CCDC40: variants seen among roughly 807,000 people sequenced by gnomAD.
The protein encoded by CCDC40 is coiled-coil domain-containing protein 40.
CCDC40 carries 104 observed loss-of-function variants against 124.5 expected under a neutral mutation model. That is an observed-to-expected ratio of 0.84 (90% CI 0.71 to 0.98). The LOEUF (loss-of-function observed/expected upper bound fraction) is 0.98, where lower values mean the gene tolerates loss of function less well. Ranked by LOEUF, CCDC40 falls within the 50% of genes least tolerant of loss-of-function variation. The pLI, the probability that CCDC40 is intolerant of heterozygous loss-of-function variation, is 0.00. For synonymous variants in CCDC40, 580 were observed against 602.9 expected (o/e 0.96, Z 0.56); for missense variants, 1,463 against 1,503.9 (o/e 0.97, Z 0.45).
At chr17:80,037,688 A>AAAAAAAAATATATAT in intron 1 of CCDC40, among the ~76,000 whole-genome samples, 2 of 45,676 alleles carry the variant, frequency 4.4e-5, no homozygotes, top group African/African-American at 1.2e-4. Context: ...TTTTTTAAAA[A>AAAAAAAAATATATAT]AGATATACAT....
At chr17:80,090,196 CACGCAGGCACG>C (rs2143761358) in intron 17 of CCDC40, 158 of 1,033,708 alleles carry the variant, frequency 1.5e-4, no homozygotes, top group East Asian at 8.2e-4. Flanking sequence ...ACACGGGACG[CACGCAGGCACG>C]TGCACGAAGA....
intron 4 of CCDC40, chr17:80,048,367 TA>T (rs1350534252): frequency 3.1e-5 from 19 of 609,086 alleles, no homozygotes; most frequent in South Asian, 2.3e-4. Context: ...TGCCTACCTT[TA>T]AAACGGGACG....
chr17:80,079,140 T>A (rs1338202721), intron 10 of CCDC40, among the ~76,000 whole-genome samples: 1 of 152,136 alleles, frequency 6.6e-6, no homozygotes, highest in Non-Finnish European at 1.5e-5. Context: ...TTTTGTCATG[T>A]GGGCCAGGCT....
At chr17:80,099,437 G>T in intron 19 of CCDC40, 90 bp from the exon 20 acceptor site, 2 of 1,488,954 alleles carry the variant, frequency 1.3e-6, no homozygotes, top group Non-Finnish European at 1.8e-6. Flanking sequence ...CTCCTCTTCG[G>T]CATTTCCTGG....
At chr17:80,089,631 C>T in intron 16 of CCDC40, 133 bp from the exon 17 acceptor site, 1 of 1,138,246 alleles carries the variant, frequency 8.8e-7, no homozygotes, top group Non-Finnish European at 1.3e-6. Context: ...CTTTGAGAGC[C>T]TCACGCTTTC....
intron 6 of CCDC40, 28 bp downstream of exon 6, chr17:80,050,017 G>T (rs1226898146): frequency 6.2e-7 from 1 of 1,613,504 alleles, no homozygotes; most frequent in Non-Finnish European, 8.5e-7. Context: ...CTCCCACCCT[G>T]GTCGGATGCC....
chr17:80,072,725 G>A (rs1469309016), intron 10 of CCDC40, among the ~76,000 whole-genome samples: 2 of 152,086 alleles, frequency 1.3e-5, no homozygotes, highest in Admixed American at 6.6e-5. Flanking sequence ...TCATGCTTTT[G>A]AGACCCACCC....
Position 80,058,638 on chromosome 17 carries a change from A to C in CCDC40, c.1304A>C (p.Glu435Ala). Residue 435 changes from glutamate to alanine, a missense_variant, in exon 8 of 20, where the codon GAG (glutamate) becomes GCG (alanine). Physicochemically the swap from Glu to Ala is moderately radical, Grantham distance 107. Coordinates refer to ENST00000397545, the MANE Select transcript of CCDC40 (RefSeq NM_017950.4). The surrounding 1 kb of genome is among the most constrained non-coding windows in gnomAD (Gnocchi z 4.2). ...ACGGAGAGGATCCGGGCAGAAATCG[A>C]GAAGAAAAAGCAGGTATTCTGCAAA... ...AETERIRAEI[E>A]KKKQDLYVDQ... The C allele has an allele frequency of 6.2e-7, 1 of 1,614,210 alleles. No homozygotes were observed. The highest frequency in any genetic ancestry group is 8.5e-7 in the Non-Finnish European group (1 of 1,180,040).
intron 7 of CCDC40, among the ~76,000 whole-genome samples, chr17:80,054,013 A>G (rs1050232405): frequency 2.0e-5 from 3 of 152,262 alleles, no homozygotes. Context: ...ACATTTCCAC[A>G]AACAAGCCTG....
intron 7 of CCDC40, among the ~76,000 whole-genome samples, chr17:80,055,786 C>G (rs908163047): frequency 6.6e-6 from 1 of 151,512 alleles, no homozygotes; most frequent in Non-Finnish European, 1.5e-5. Flanking sequence ...CAGGGCCCTC[C>G]GCAGAGGCAA....
At chr17:80,037,690 G>GATTATAT (rs1555889146) in intron 1 of CCDC40, among the ~76,000 whole-genome samples, 1 of 92,084 alleles carries the variant, frequency 1.1e-5, no homozygotes, top group Non-Finnish European at 2.2e-5. Flanking sequence ...TTTTAAAAAA[G>GATTATAT]ATATACATAT....
intron 12 of CCDC40, among the ~76,000 whole-genome samples, chr17:80,083,260 G>A (rs1185481145): frequency 2.0e-5 from 3 of 152,114 alleles, no homozygotes; most frequent in Non-Finnish European, 2.9e-5. Flanking sequence ...AGATCTCAGG[G>A]TGAACTTGGC....
rs368916637 is a variant in CCDC40, at chr17:80,049,786, C to T, written c.856-120C>T. On this transcript the variant is annotated intron_variant, in intron 5 of 19. Transcript: ENST00000397545. The stretch of plus-strand genomic sequence containing the variant: ...GAATCCCAAGCAGAAGCAGGGAGCA[C>T]TCCACACGGAAGTCGTCTCTGGCCC... 2.1e-4 allele frequency: 169 copies of T among 790,434 alleles called. 2 individuals carry two copies. Among genetic ancestry groups the T allele is most frequent in the Middle Eastern group, 2.4e-4 (1 of 4,202 alleles). The allele number at this position is 790,434 out of a possible 1,614,324, so 49.0% of individuals were successfully genotyped here.
In CCDC40 at chr17:80,087,498, G is replaced by T. The variant is rs991422454; in HGVS notation, c.2450-109G>T. On this transcript the variant is annotated intron_variant, in intron 14 of 19. Coordinates refer to ENST00000397545, the MANE Select transcript of CCDC40 (RefSeq NM_017950.4). This position sits in a 1 kb window ranked among gnomAD's most constrained non-coding sequence, Gnocchi z 4.5. ...AACGACAAGAGGGAGGGGATGAAGGGAGCTACAGGGAGAGACAAAACCTGG... is the reference window on the plus strand; with the variant it reads ...AACGACAAGAGGGAGGGGATGAAGGTAGCTACAGGGAGAGACAAAACCTGG... 3 of 798,976 alleles carry T rather than the reference G, an allele frequency of 3.8e-6. No individual in the cohort carries two copies. The highest frequency in any genetic ancestry group is 6.5e-6 in the Non-Finnish European group (3 of 460,204). 49.5% of individuals were successfully genotyped at this position (798,976 alleles called of 1,614,324 possible).
intron 5 of CCDC40, among the ~76,000 whole-genome samples, chr17:80,049,386 G>C (rs1311391328): frequency 2.1e-5 from 3 of 145,602 alleles, no homozygotes; most frequent in Non-Finnish European, 4.5e-5. Context: ...TCCAGCCTGG[G>C]CAATAAGAGC....
chr17:80,046,120 A>T (rs565004793), intron 3 of CCDC40, among the ~76,000 whole-genome samples: 2 of 152,326 alleles, frequency 1.3e-5, no homozygotes, highest in African/African-American at 4.8e-5. Context: ...ATTTAGGATG[A>T]TACATTGCTC....
rs55997385 is a variant in CCDC40, at chr17:80,076,578, CA to C, written c.1563-4950del. Among the ~76,000 whole-genome samples, 674 of 120,876 alleles carry C rather than the reference CA, an allele frequency of 5.6e-3. 3 individuals are homozygous for C. The highest frequency in any genetic ancestry group is 0.028 in the East Asian group (115 of 4,168). The allele number at this position is 120,876 out of a possible 152,430, so 79.3% of individuals were successfully genotyped here. A position where few individuals can be genotyped will look rare whatever the true frequency, so the allele number is the denominator to read the frequency against. The stretch of plus-strand genomic sequence containing the variant: ...ACAGAGCCAGAGTCAGAGCCTGTCT[CA>C]AAAAAAAAAAAAAAAAATTGCCACA... On this transcript the variant is annotated intron_variant, in intron 10 of 19. Coordinates refer to ENST00000397545, the MANE Select transcript of CCDC40 (RefSeq NM_017950.4).
Position 80,090,220 on chromosome 17 carries a change from A to G in CCDC40, c.2832+336A>G, listed in dbSNP as rs1567813218. ...GCACGCAGGCACGTGCACGAAGAAC[A>G]CGGGACGCGCGCAGGCACGTGCACG... On this transcript the variant is annotated intron_variant, in intron 17 of 19. Coordinates refer to ENST00000397545, the MANE Select transcript of CCDC40 (RefSeq NM_017950.4). 9 of 879,874 alleles carry G rather than the reference A, an allele frequency of 1.0e-5. 2 individuals carry two copies. The highest frequency in any genetic ancestry group is 6.4e-5 in the East Asian group (2 of 31,064). The allele number at this position is 879,874 out of a possible 1,614,324, so 54.5% of individuals were successfully genotyped here.
In CCDC40 at chr17:80,086,056, C is replaced by T. The variant is rs532818706; in HGVS notation, c.2289C>T (p.Ile763=). The change falls in exon 14 of 20, where the codon ATC becomes ATT. Residue 763 remains isoleucine (I), a synonymous_variant. Transcript: ENST00000397545. This position sits in a 1 kb window ranked among gnomAD's most constrained non-coding sequence, Gnocchi z 5.5. The part of the protein sequence containing the change: ...ELEIKRLSKL[I]DEHDGKAVQA... The stretch of plus-strand genomic sequence containing the variant: ...AAATCAAAAGGCTGAGCAAGCTGAT[C>T]GACGAGCACGATGGCAAGGCGGTCC... 5.0e-6 allele frequency: 8 copies of T among 1,614,090 alleles called. No individual in the cohort carries two copies. The highest frequency in any genetic ancestry group is 1.3e-5 in the African/African-American group (1 of 75,036).
Sources: allele counts gnomAD v4.1 joint callset (sites outside exome capture counted in the v4.1 genomes callset), GRCh38; gene constraint gnomAD v4.1.1; non-coding constraint Gnocchi (gnomAD v3.1); transcripts MANE v1.5; gene names NCBI Gene and HGNC (gene_info 2026-07-23, HGNC 2026-07-21).